The following ODF2L variants were observed in gnomAD, a reference collection of about 807,000 sequenced individuals.
ODF2L encodes outer dense fiber of sperm tails 2 like, also known as protein BCAP.
ODF2L carries 76 observed loss-of-function variants against 86.3 expected under a neutral mutation model. That is an observed-to-expected ratio of 0.88 (90% CI 0.73 to 1.07). The LOEUF is 1.07. Ranked by LOEUF, ODF2L falls within the 50% of genes least tolerant of loss-of-function variation. The pLI is 0.00. For synonymous variants in ODF2L, 241 were observed against 231.3 expected (o/e 1.04, Z -0.38); for missense variants, 748 against 717.4 (o/e 1.04, Z -0.49).
chr1:86,361,774 A>G (rs1281997264), intron 11 of ODF2L, among the ~76,000 whole-genome samples: 2 of 152,218 alleles, frequency 1.3e-5, no homozygotes, highest in African/African-American at 4.8e-5. Context: ...TAGGTAATTC[A>G]AAAAGGCAGA....
Position 86,354,873 on chromosome 1 carries a change from A to C in ODF2L, c.1519-14T>G. The C allele has an allele frequency of 2.0e-6, 3 of 1,506,870 alleles. No homozygotes were observed. The East Asian group carries it at 6.8e-5, about 34-fold the overall frequency. The allele number at this position is 1,506,870 out of a possible 1,614,324, so 93.3% of individuals were successfully genotyped here. A position where few individuals can be genotyped will look rare whatever the true frequency, so the allele number is the denominator to read the frequency against. On this transcript the variant is annotated splice_polypyrimidine_tract_variant and intron_variant, in intron 14 of 17. Coordinates refer to ENST00000317336, the Ensembl canonical transcript of ODF2L. The stretch of plus-strand genomic sequence containing the variant: ...ATTTCCATCAACCTAAAAGAAAAAA[A>C]AAAGTTTTCTTAGTCATTTTCTTCA...
intron 11 of ODF2L, among the ~76,000 whole-genome samples, chr1:86,365,422 G>C (rs1570378446): frequency 6.6e-6 from 1 of 152,114 alleles, no homozygotes; most frequent in Non-Finnish European, 1.5e-5. Flanking sequence ...ATGGAGGGAA[G>C]AAAAGCCCTC....
chr1:86,357,126 T>G (rs17372196), intron 13 of ODF2L, among the ~76,000 whole-genome samples: 39,744 of 152,106 alleles, frequency 0.26, 6,251 homozygotes, highest in East Asian at 0.41. Flanking sequence ...AATTTGGCCA[T>G]TAATGTTACT....
intron 14 of ODF2L, 81 bp from the exon 14 acceptor site, chr1:86,354,940 C>T (rs1344362019): frequency 1.5e-5 from 11 of 736,768 alleles, no homozygotes; most frequent in Non-Finnish European, 2.5e-5. Flanking sequence ...ATTGTTAGAA[C>T]AACCACAAGC....
intron 11 of ODF2L, chr1:86,368,599 G>T: frequency 7.5e-7 from 1 of 1,337,440 alleles, no homozygotes; most frequent in Non-Finnish European, 9.7e-7. Context: ...TGCTGATGAG[G>T]TATAGAGAAC....
At position 86,372,909 on chromosome 1, in the gene ODF2L, C is replaced by A. The variant is rs556315487; in HGVS notation, c.811-369G>T. ...GTATGTTCTCACTCATAAGTGGGAG[C>A]TAAGCTATGAAAATGCAAAAGCATA... is the stretch of plus-strand genomic sequence containing the variant. On this transcript the variant is annotated intron_variant, in intron 8 of 17. Coordinates refer to ENST00000317336, the Ensembl canonical transcript of ODF2L. Among the ~76,000 whole-genome samples, 7 of 152,054 alleles carry A rather than the reference C, an allele frequency of 4.6e-5. No individual in the cohort carries two copies. The South Asian group carries it at 1.0e-3, about 23-fold the overall frequency.
intron 8 of ODF2L, among the ~76,000 whole-genome samples, chr1:86,375,653 G>A (rs1290716415): frequency 6.6e-6 from 1 of 152,154 alleles, no homozygotes; most frequent in Admixed American, 6.5e-5. Context: ...TACTTGGTGT[G>A]TTTATGTCAG....
chr1:86,392,162 A>G lies in ODF2L; in HGVS notation c.-60+3871T>C, dbSNP rs547720495. ...GATACCACCTTACTCCTGCAAGCACAGCCATAATCAAAAAATAATAATAGA... is the reference window on the plus strand; with the variant it reads ...GATACCACCTTACTCCTGCAAGCACGGCCATAATCAAAAAATAATAATAGA... On this transcript the variant is annotated intron_variant, in intron 1 of 17. Transcript: ENST00000317336. Among the ~76,000 whole-genome samples the G allele has an allele frequency of 3.3e-5, 5 of 152,258 alleles. No homozygotes were observed. In the South Asian group the frequency reaches 1.0e-3, roughly 32 times the overall value.
At chr1:86,366,836 G>T (rs773108504) in intron 11 of ODF2L, among the ~76,000 whole-genome samples, 4 of 151,952 alleles carry the variant, frequency 2.6e-5, no homozygotes, top group Non-Finnish European at 4.4e-5. Context: ...AATCTAGGAG[G>T]TCCAACAAAT....
At chr1:86,382,311 T>C (rs1422728917) in exon 7 of ODF2L, 3 of 1,612,462 alleles carry the variant, frequency 1.9e-6, no homozygotes, top group Non-Finnish European at 1.7e-6. Flanking sequence ...GTCGTTCATG[T>C]ACTACTTTTA....
chr1:86,355,046 AAAG>A, intron 14 of ODF2L, 187 bp from the exon 14 acceptor site: 1 of 556,674 alleles, frequency 1.8e-6, no homozygotes, highest in Non-Finnish European at 3.2e-6. Flanking sequence ...GGTTAAATTT[AAAG>A]AAGTTATGTT....
intron 4 of ODF2L, among the ~76,000 whole-genome samples, chr1:86,383,513 T>C (rs10873774): frequency 0.32 from 47,981 of 151,482 alleles, 7,717 homozygotes; most frequent in East Asian, 0.41. Context: ...TGCAACACAG[T>C]GCTGTTTACA....
chr1:86,369,078 A>C (rs1659632668), intron 10 of ODF2L, among the ~76,000 whole-genome samples: 1 of 152,138 alleles, frequency 6.6e-6, no homozygotes, highest in African/African-American at 2.4e-5. Context: ...TACTGTAATG[A>C]GTATATATTC....
chr1:86,372,059 C>T (rs1221706078), intron 9 of ODF2L, among the ~76,000 whole-genome samples: 8 of 151,878 alleles, frequency 5.3e-5, no homozygotes, highest in Admixed American at 5.2e-4. Flanking sequence ...CTTGGTGGTG[C>T]ATGCCTGTAG....
At chr1:86,367,156 A>G (rs1659496388) in intron 11 of ODF2L, among the ~76,000 whole-genome samples, 1 of 152,198 alleles carries the variant, frequency 6.6e-6, no homozygotes, top group Admixed American at 6.5e-5. Context: ...ACTCTGACTT[A>G]TGGAAAACCA....
At chr1:86,359,306 G>A (rs957732594) in intron 12 of ODF2L, among the ~76,000 whole-genome samples, 3 of 150,962 alleles carry the variant, frequency 2.0e-5, no homozygotes, top group African/African-American at 7.3e-5. Flanking sequence ...CAGTATTCCT[G>A]CTGAGGGATT....
At chr1:86,356,481 G>A in exon 14 of ODF2L, 1 of 1,613,668 alleles carries the variant, frequency 6.2e-7, no homozygotes, top group Non-Finnish European at 8.5e-7. Flanking sequence ...TTCCTGGTCT[G>A]CACACTTCCC....
chr1:86,352,108 A>G, exon 18 of ODF2L: 1 of 1,447,826 alleles, frequency 6.9e-7, no homozygotes, highest in Non-Finnish European at 9.1e-7. Flanking sequence ...ATAAAATCAA[A>G]TTGTGCATGC....
At chr1:86,377,544 C>T (rs901254473) in intron 7 of ODF2L, among the ~76,000 whole-genome samples, 3 of 152,208 alleles carry the variant, frequency 2.0e-5, no homozygotes, top group Non-Finnish European at 2.9e-5. Flanking sequence ...TCCACCCCCG[C>T]AGCAAACTTC....
Sources: gnomAD v4.1 joint callset for allele counts (sites outside exome capture counted in the v4.1 genomes callset) on GRCh38, gnomAD v4.1.1 for gene constraint, MANE v1.5 for transcripts, NCBI Gene and HGNC (gene_info 2026-07-23, HGNC 2026-07-21) for gene names.